NCALD: variants seen among roughly 807,000 people sequenced by gnomAD.
The protein encoded by NCALD is neurocalcin-delta.
In NCALD, 10 loss-of-function variants were observed where a neutral mutation model predicts 18.6. The observed-to-expected ratio is 0.54, with a 90% CI of 0.33 to 0.91. NCALD has a LOEUF of 0.91. NCALD is among the 40% of genes least tolerant of loss of function. The probability of loss-of-function intolerance (pLI) is 0.03; values close to 1 mark genes in which losing one functional copy is unlikely to be tolerated. For synonymous variants in NCALD, 88 were observed against 87.4 expected (o/e 1.01, Z -0.04); for missense variants, 184 against 247.6 (o/e 0.74, Z 1.72).
chr8:101,984,996 A>C (rs1337224539), intron 2 of NCALD, among the ~76,000 whole-genome samples: 1 of 152,226 alleles, frequency 6.6e-6, no homozygotes, highest in African/African-American at 2.4e-5. Flanking sequence ...CACCAGAGTC[A>C]GGGACATGGA....
intron 2 of NCALD, among the ~76,000 whole-genome samples, chr8:101,972,519 A>G (rs1457625229): frequency 6.6e-6 from 1 of 152,180 alleles, no homozygotes. Flanking sequence ...CAACCTGAAG[A>G]TAATTTCTGC....
At chr8:101,738,568 AAAAAGAAG>A (rs1286029474) in intron 1 of NCALD, among the ~76,000 whole-genome samples, 3 of 120,600 alleles carry the variant, frequency 2.5e-5, no homozygotes, top group African/African-American at 8.5e-5. Context: ...AAAAAAAAAA[AAAAAGAAG>A]AAGAAGAAGA....
intron 2 of NCALD, among the ~76,000 whole-genome samples, chr8:101,936,145 G>C (rs1047032798): frequency 1.3e-5 from 2 of 152,150 alleles, no homozygotes; most frequent in African/African-American, 2.4e-5. Context: ...TGGTAGAGAA[G>C]AAGGGTGCAA....
chr8:101,961,026 C>T (rs138105606), intron 2 of NCALD, among the ~76,000 whole-genome samples: 4 of 152,250 alleles, frequency 2.6e-5, no homozygotes, highest in African/African-American at 7.2e-5. Flanking sequence ...TAAAGGATCA[C>T]ATTTTGGCTT....
At chr8:102,053,245 A>G (rs1823516601) in intron 1 of NCALD, among the ~76,000 whole-genome samples, 1 of 152,212 alleles carries the variant, frequency 6.6e-6, no homozygotes, top group Admixed American at 6.5e-5. Context: ...ATTTTTTTAA[A>G]ATCTAATTTA....
intron 4 of NCALD, among the ~76,000 whole-genome samples, chr8:101,880,093 C>G (rs147747592): frequency 6.4e-5 from 5 of 77,986 alleles, no homozygotes; most frequent in East Asian, 3.1e-4. Context: ...GGAGGGGGGG[C>G]GGTGAGGGAG....
At chr8:101,692,468 C>T in intron 3 of NCALD, 1 of 985,460 alleles carries the variant, frequency 1.0e-6, no homozygotes, top group Non-Finnish European at 1.2e-6. Context: ...CCTGCTATAG[C>T]CTAGGCCTGT....
At chr8:101,943,794 A>G (rs554819274) in intron 2 of NCALD, among the ~76,000 whole-genome samples, 2 of 152,210 alleles carry the variant, frequency 1.3e-5, no homozygotes, top group East Asian at 3.9e-4. Context: ...CAAAAAAATT[A>G]GCCAGGCATG....
At chr8:101,941,085 T>A (rs921096689) in intron 2 of NCALD, among the ~76,000 whole-genome samples, 2 of 152,202 alleles carry the variant, frequency 1.3e-5, no homozygotes, top group Admixed American at 1.3e-4. Context: ...CAGATAAATT[T>A]CCCTCTGCAG....
intron 1 of NCALD, among the ~76,000 whole-genome samples, chr8:102,027,450 T>C (rs1377146341): frequency 6.6e-6 from 1 of 152,178 alleles, no homozygotes; most frequent in Non-Finnish European, 1.5e-5. Flanking sequence ...TCCCAACCAG[T>C]TCCCCATCTC....
intron 1 of NCALD, among the ~76,000 whole-genome samples, chr8:101,725,940 T>G (rs1263695076): frequency 1.3e-5 from 2 of 151,750 alleles, no homozygotes; most frequent in Non-Finnish European, 2.9e-5. Flanking sequence ...GTGTTGGAAT[T>G]TTGAATAAGA....
At chr8:101,755,973 G>A (rs1004385276) in intron 1 of NCALD, among the ~76,000 whole-genome samples, 11 of 152,158 alleles carry the variant, frequency 7.2e-5, no homozygotes. Context: ...AATCATGACT[G>A]ATGTGGGGAG....
chr8:102,037,479 G>A (rs1822909741), intron 1 of NCALD, among the ~76,000 whole-genome samples: 1 of 152,100 alleles, frequency 6.6e-6, no homozygotes, highest in Admixed American at 6.6e-5. Context: ...CGTAGATGTT[G>A]TATACATTTA....
chr8:101,722,814 G>T (rs754806140), intron 1 of NCALD, among the ~76,000 whole-genome samples: 1 of 152,080 alleles, frequency 6.6e-6, no homozygotes, highest in Non-Finnish European at 1.5e-5. Flanking sequence ...GCACAGAAAG[G>T]CCATAACACA....
intron 1 of NCALD, among the ~76,000 whole-genome samples, chr8:101,788,235 C>T (rs570435684): frequency 6.5e-4 from 99 of 152,268 alleles, no homozygotes; most frequent in East Asian, 1.7e-3. Flanking sequence ...GCATCACTAA[C>T]GTACATATCA....
At chr8:102,020,854 C>A (rs963150514) in intron 1 of NCALD, among the ~76,000 whole-genome samples, 1 of 152,178 alleles carries the variant, frequency 6.6e-6, no homozygotes, top group Non-Finnish European at 1.5e-5. Flanking sequence ...TGAGCTCCAG[C>A]TACTTCACAC....
chr8:101,720,504 C>T (rs1214557578), intron 1 of NCALD, among the ~76,000 whole-genome samples: 1 of 152,150 alleles, frequency 6.6e-6, no homozygotes, highest in East Asian at 1.9e-4. Flanking sequence ...TGTGTTCTTC[C>T]AGACTTTTCG....
chr8:102,115,492 A>G (rs1439425605), intron 1 of NCALD, among the ~76,000 whole-genome samples: 1 of 152,194 alleles, frequency 6.6e-6, no homozygotes, highest in African/African-American at 2.4e-5. Context: ...AGAATAATTG[A>G]TGCCCTGGAG....
intron 2 of NCALD, among the ~76,000 whole-genome samples, chr8:102,013,418 C>A (rs957739150): frequency 6.6e-6 from 1 of 152,232 alleles, no homozygotes; most frequent in Non-Finnish European, 1.5e-5. Context: ...ACATTTAGTT[C>A]TCCATCCATA....
Sources: gnomAD v4.1 joint callset for allele counts (sites outside exome capture counted in the v4.1 genomes callset) on GRCh38, gnomAD v4.1.1 for gene constraint, MANE v1.5 for transcripts, NCBI Gene and HGNC (gene_info 2026-07-23, HGNC 2026-07-21) for gene names.